IL1RAPL2: variants seen among roughly 807,000 people sequenced by gnomAD.
IL1RAPL2 encodes the protein X-linked interleukin-1 receptor accessory protein-like 2.
A neutral mutation model predicts 44.1 loss-of-function variants in IL1RAPL2; 3 were observed. That is an observed-to-expected ratio of 0.07 (90% CI 0.03 to 0.18). IL1RAPL2 has a LOEUF of 0.18. Ranked by LOEUF, IL1RAPL2 falls within the 10% of genes least tolerant of loss-of-function variation. The pLI is 1.00. For synonymous variants in IL1RAPL2, 181 were observed against 178.8 expected (o/e 1.01, Z -0.10); for missense variants, 391 against 496.4 (o/e 0.79, Z 2.02).
At chrX:104,723,960 T>C (rs1931736850) in intron 2 of IL1RAPL2, among the ~76,000 whole-genome samples, 1 of 111,290 alleles carries the variant, frequency 9.0e-6, no homozygotes, top group Non-Finnish European at 1.9e-5. Flanking sequence ...TTCACCCTGA[T>C]GAAAGTCAGT....
chrX:104,629,342 C>T (rs1054638478), intron 1 of IL1RAPL2, among the ~76,000 whole-genome samples: 1 of 111,395 alleles, frequency 9.0e-6, no homozygotes, highest in African/African-American at 3.3e-5. Context: ...TGAGAAATGT[C>T]TATTTAGAGC....
chrX:105,099,994 C>T (rs961481741), intron 2 of IL1RAPL2, among the ~76,000 whole-genome samples: 1 of 110,855 alleles, frequency 9.0e-6, no homozygotes, highest in Non-Finnish European at 1.9e-5. Flanking sequence ...GTTTCACTTT[C>T]CATGGTTTCA....
At chrX:105,527,341 T>C (rs767936135) in intron 6 of IL1RAPL2, among the ~76,000 whole-genome samples, 17 of 110,714 alleles carry the variant, frequency 1.5e-4, no homozygotes, top group Admixed American at 1.3e-3. Context: ...CTCTACCAAG[T>C]AAATAATGGC....
At chrX:105,462,870 C>T (rs758350088) in intron 5 of IL1RAPL2, among the ~76,000 whole-genome samples, 1 of 110,966 alleles carries the variant, frequency 9.0e-6, no homozygotes, top group African/African-American at 3.3e-5. Flanking sequence ...TCACACTACT[C>T]ATCTTTGGTT....
intron 6 of IL1RAPL2, among the ~76,000 whole-genome samples, chrX:105,622,529 G>A (rs1285490747): frequency 9.0e-6 from 1 of 110,534 alleles, no homozygotes; most frequent in Non-Finnish European, 1.9e-5. Context: ...TATAGAGTCT[G>A]AGAGTACATA....
chrX:104,968,754 C>T (rs1443712172), intron 2 of IL1RAPL2, among the ~76,000 whole-genome samples: 4 of 110,451 alleles, frequency 3.6e-5, no homozygotes, highest in African/African-American at 1.3e-4. Context: ...CGTATAATTG[C>T]AAGAAAAACA....
chrX:105,012,312 G>T (rs2031062359), intron 2 of IL1RAPL2, among the ~76,000 whole-genome samples: 1 of 110,234 alleles, frequency 9.1e-6, no homozygotes, highest in Non-Finnish European at 1.9e-5. Context: ...GTCCTTAATA[G>T]AAGGGGGAGA....
intron 1 of IL1RAPL2, among the ~76,000 whole-genome samples, chrX:104,646,860 G>A (rs1192868625): frequency 1.8e-5 from 2 of 111,461 alleles, no homozygotes; most frequent in Non-Finnish European, 3.8e-5. Context: ...ATCACAATGG[G>A]GCCAGGAAGT....
intron 5 of IL1RAPL2, among the ~76,000 whole-genome samples, chrX:105,445,965 A>G (rs1377340343): frequency 2.7e-5 from 3 of 111,555 alleles, no homozygotes; most frequent in Non-Finnish European, 5.7e-5. Context: ...TCTGGAAGCT[A>G]TGTCCAGTGC....
intron 2 of IL1RAPL2, among the ~76,000 whole-genome samples, chrX:104,676,482 T>C (rs1370480558): frequency 8.9e-6 from 1 of 112,288 alleles, no homozygotes; most frequent in African/African-American, 3.2e-5. Context: ...GTTAGTCTGA[T>C]GGGCTTCCCT....
At position 105,309,887 on chromosome X, in the gene IL1RAPL2, T is replaced by G. The variant is rs749894550; in HGVS notation, c.697+42346T>G. On this transcript the variant is annotated intron_variant, in intron 5 of 10. Transcript: ENST00000372582. Reference sequence around the variant, plus strand: ...TTTCAAGTATACATATGTGTATGTGTGCATATTTATATATAAAGGCCTTTT... The same window carrying G: ...TTTCAAGTATACATATGTGTATGTGGGCATATTTATATATAAAGGCCTTTT... 2.2e-4 allele frequency among the ~76,000 whole-genome samples: 25 copies of G among 111,932 alleles called. No individual in the cohort carries two copies. The South Asian group carries it at 9.2e-3, about 41-fold the overall frequency.
chrX:105,276,549 C>T (rs1047944955), intron 5 of IL1RAPL2, among the ~76,000 whole-genome samples: 8 of 112,657 alleles, frequency 7.1e-5, no homozygotes, highest in African/African-American at 2.6e-4. Context: ...TCAACCCTAG[C>T]TGATTGCTGC....
chrX:104,704,338 G>C (rs1254012988), intron 2 of IL1RAPL2, among the ~76,000 whole-genome samples: 1 of 111,561 alleles, frequency 9.0e-6, no homozygotes, highest in Non-Finnish European at 1.9e-5. Context: ...TGGCAGAAAC[G>C]CTAGATGAGC....
intron 2 of IL1RAPL2, among the ~76,000 whole-genome samples, chrX:104,914,602 C>T (rs1244479792): frequency 9.0e-6 from 1 of 111,006 alleles, no homozygotes; most frequent in Non-Finnish European, 1.9e-5. Flanking sequence ...TTTTAGGGTA[C>T]ATGTGCACAA....
chrX:105,376,512 G>C (rs112801499), intron 5 of IL1RAPL2, among the ~76,000 whole-genome samples: 6,889 of 111,517 alleles, frequency 0.062, 503 homozygotes, highest in African/African-American at 0.21. Flanking sequence ...GAGCTTCTAA[G>C]TCTGCTTCTC....
chrX:105,608,833 G>A (rs1481382010), intron 6 of IL1RAPL2, among the ~76,000 whole-genome samples: 1 of 111,905 alleles, frequency 8.9e-6, no homozygotes, highest in Non-Finnish European at 1.9e-5. Context: ...AGCATATAGT[G>A]TGGACTGTAC....
intron 1 of IL1RAPL2, among the ~76,000 whole-genome samples, chrX:104,608,528 T>C (rs912758122): frequency 4.5e-5 from 5 of 111,061 alleles, no homozygotes; most frequent in Non-Finnish European, 9.4e-5. Context: ...CTGTATTGGG[T>C]GCATATATAT....
intron 2 of IL1RAPL2, among the ~76,000 whole-genome samples, chrX:104,925,171 A>T (rs1477395050): frequency 1.9e-5 from 2 of 106,859 alleles, no homozygotes; most frequent in African/African-American, 6.8e-5. Flanking sequence ...AATCCTAAAC[A>T]TACCAATGAG....
At chrX:104,910,306 C>T (rs923350581) in intron 2 of IL1RAPL2, among the ~76,000 whole-genome samples, 9 of 112,278 alleles carry the variant, frequency 8.0e-5, no homozygotes, top group Non-Finnish European at 1.5e-4. Context: ...GCAGAAATCA[C>T]CTGTCTTCTG....
Sources: allele counts gnomAD v4.1 joint callset (sites outside exome capture counted in the v4.1 genomes callset), GRCh38; gene constraint gnomAD v4.1.1; transcripts MANE v1.5; gene names NCBI Gene and HGNC (gene_info 2026-07-23, HGNC 2026-07-21).